Variants in ADORA2B observed in about 807,000 individuals in gnomAD.
ADORA2B encodes adenosine A2b receptor.
A neutral mutation model predicts 20.8 loss-of-function variants in ADORA2B; 18 were observed. That is an observed-to-expected ratio of 0.87 (90% CI 0.60 to 1.29). The LOEUF (loss-of-function observed/expected upper bound fraction) is 1.29, where lower values mean the gene tolerates loss of function less well. Ranked by LOEUF, ADORA2B falls within the 50% of genes most tolerant of loss-of-function variation. The probability of loss-of-function intolerance (pLI) is 0.00; values close to 1 mark genes in which losing one functional copy is unlikely to be tolerated. For synonymous variants in ADORA2B, 179 were observed against 178.3 expected (o/e 1.00, Z -0.03); for missense variants, 441 against 422.7 (o/e 1.04, Z -0.38).
the ADORA2B span, among the ~76,000 whole-genome samples, chr17:15,883,860 A>C: frequency 1.3e-5 from 2 of 152,250 alleles, no homozygotes; most frequent in African/African-American, 4.8e-5. Context: ...CCATGTGATG[A>C]ACCTGCATGT....
chr17:15,885,020 A>T, the ADORA2B span, among the ~76,000 whole-genome samples: 1 of 152,212 alleles, frequency 6.6e-6, no homozygotes, highest in Non-Finnish European at 1.5e-5. Context: ...TGATTGAACA[A>T]ATTTACACTC....
At chr17:15,918,060 C>T in the ADORA2B span, among the ~76,000 whole-genome samples, 6,018 of 152,298 alleles carry the variant, frequency 0.04, 164 homozygotes, top group Non-Finnish European at 0.056. Flanking sequence ...ATCTCGTGGT[C>T]CTGGGAGTCT....
In ADORA2B at chr17:15,963,951, C is replaced by G. The variant is rs146686306; in HGVS notation, c.336-10728C>G. On this transcript the variant is annotated intron_variant, in intron 1 of 1. Coordinates refer to ENST00000304222, the MANE Select transcript of ADORA2B (RefSeq NM_000676.4). The stretch of plus-strand genomic sequence containing the variant: ...TGGAATTCAGACATGTCTGAACTTG[C>G]TGGAGTAGATGAGAACCCCACAGGA... Among the ~76,000 whole-genome samples the G allele has an allele frequency of 5.8e-3, 876 of 152,314 alleles. 4 individuals are homozygous for G. Among genetic ancestry groups the G allele is most frequent in the Middle Eastern group, 0.01 (3 of 294 alleles).
At chr17:15,860,190 G>A in the ADORA2B span, among the ~76,000 whole-genome samples, 3 of 152,232 alleles carry the variant, frequency 2.0e-5, no homozygotes, top group African/African-American at 7.2e-5. Context: ...CCCTTAAAAG[G>A]GACAGGAATT....
At chr17:15,879,053 G>A in the ADORA2B span, among the ~76,000 whole-genome samples, 5 of 152,152 alleles carry the variant, frequency 3.3e-5, no homozygotes, top group African/African-American at 1.2e-4. Flanking sequence ...GCTTGTGGTT[G>A]CTTGCTTTAA....
At chr17:15,971,129 G>A (rs1190119981) in intron 1 of ADORA2B, among the ~76,000 whole-genome samples, 5 of 152,300 alleles carry the variant, frequency 3.3e-5, no homozygotes, top group African/African-American at 4.8e-5. Flanking sequence ...CGCTGTACTC[G>A]ATACAGCTTA....
chr17:15,975,299 A>G lies in ADORA2B; in HGVS notation c.956A>G (p.Asn319Ser). 1 of 1,613,270 alleles carries G rather than the reference A, an allele frequency of 6.2e-7. No individual in the cohort carries two copies. Among genetic ancestry groups the G allele is most frequent in the Non-Finnish European group, 8.5e-7 (1 of 1,180,010 alleles). The change falls in exon 2 of 2, where the codon AAT becomes AGT. Residue 319 changes from asparagine to serine, a missense_variant. Asn to Ser is a conservative substitution (Grantham distance 46). Transcript: ENST00000304222. ...TGCCAAGCAGATGTCAAGAGTGGGA[A>G]TGGTCAGGCTGGGGTACAGCCTGCT... ...LLCQADVKSGNGQAGVQPALG... is the reference protein window; with the variant it reads ...LLCQADVKSGSGQAGVQPALG...
the ADORA2B span, among the ~76,000 whole-genome samples, chr17:15,882,307 T>C: frequency 4.6e-5 from 7 of 152,196 alleles, no homozygotes; most frequent in African/African-American, 1.7e-4. Flanking sequence ...TCAGCCACCC[T>C]GCAGGCTAAG....
the ADORA2B span, chr17:15,860,957 G>A: frequency 4.6e-5 from 7 of 153,090 alleles, no homozygotes; most frequent in Non-Finnish European, 1.0e-4. Flanking sequence ...TCCACCAGAG[G>A]GAAAGTGGAA....
the ADORA2B span, among the ~76,000 whole-genome samples, chr17:15,862,352 AT>A: frequency 6.7e-6 from 1 of 149,992 alleles, no homozygotes; most frequent in Non-Finnish European, 1.5e-5. Context: ...AGTAGCTGGG[AT>A]TATAAAGGCA....
the ADORA2B span, among the ~76,000 whole-genome samples, chr17:15,926,275 A>G: frequency 6.6e-6 from 1 of 151,926 alleles, no homozygotes; most frequent in Admixed American, 6.6e-5. Flanking sequence ...TGGAGCTCAC[A>G]CTCTGGCAGG....
the ADORA2B span, among the ~76,000 whole-genome samples, chr17:15,899,800 A>T: frequency 1.3e-5 from 2 of 151,180 alleles, no homozygotes; most frequent in African/African-American, 4.9e-5. Context: ...GCTGTGTAGT[A>T]TTCCATGGTG....
upstream of ADORA2B, among the ~76,000 whole-genome samples, chr17:15,943,195 A>C (rs1195080884): frequency 6.6e-6 from 1 of 152,230 alleles, no homozygotes; most frequent in East Asian, 1.9e-4. Context: ...AAATAGAAAA[A>C]AAAATTCCCT....
chr17:15,859,109 G>A, the ADORA2B span, among the ~76,000 whole-genome samples: 1 of 152,086 alleles, frequency 6.6e-6, no homozygotes, highest in East Asian at 1.9e-4. Flanking sequence ...GAACTACCAA[G>A]CTTGGCCAAA....
intron 1 of ADORA2B, among the ~76,000 whole-genome samples, chr17:15,959,632 T>C (rs2260682): frequency 0.93 from 142,039 of 152,076 alleles, 66,883 homozygotes; most frequent in Non-Finnish European, 0.99. Flanking sequence ...TCCCGAGTAG[T>C]TGGGATTATA....
Position 15,945,431 on chromosome 17 carries a change from C to G in ADORA2B, c.183C>G (p.Ile61Met), listed in dbSNP as rs780145057. The G allele has an allele frequency of 6.2e-7, 1 of 1,613,720 alleles. No homozygotes were observed. The highest frequency in any genetic ancestry group is 1.7e-5 in the Admixed American group (1 of 60,030). ...AADVAVGLFA[I>M]PFAITISLGF... ...ACGTGGCCGTGGGGCTCTTCGCCAT[C>G]CCCTTTGCCATCACCATCAGCCTGG... Residue 61 changes from isoleucine (I) to methionine (M), a missense_variant, in exon 1 of 2, where the codon ATC (isoleucine) becomes ATG (methionine). Coordinates refer to ENST00000304222, the MANE Select transcript of ADORA2B (RefSeq NM_000676.4).
intron 1 of ADORA2B, among the ~76,000 whole-genome samples, chr17:15,966,938 G>A (rs1335640116): frequency 1.3e-5 from 2 of 152,232 alleles, no homozygotes; most frequent in Non-Finnish European, 2.9e-5. Flanking sequence ...TGACTGCCAC[G>A]GGCTGGCGAA....
At chr17:15,876,102 CTTTT>C in the ADORA2B span, among the ~76,000 whole-genome samples, 5 of 152,226 alleles carry the variant, frequency 3.3e-5, no homozygotes, top group South Asian at 1.0e-3. Context: ...ACATCCTATT[CTTTT>C]TCTTTTTTTT....
At chr17:15,959,018 G>C (rs547444056) in intron 1 of ADORA2B, among the ~76,000 whole-genome samples, 7 of 152,196 alleles carry the variant, frequency 4.6e-5, no homozygotes, top group African/African-American at 1.7e-4. Flanking sequence ...TGTATAATCG[G>C]GGGTGGGATT....
Sources: allele counts gnomAD v4.1 joint callset (sites outside exome capture counted in the v4.1 genomes callset), GRCh38; gene constraint gnomAD v4.1.1; transcripts MANE v1.5; gene names NCBI Gene and HGNC (gene_info 2026-07-23, HGNC 2026-07-21).